PCDHGA4: variants seen among roughly 807,000 people sequenced by gnomAD.
The protein encoded by PCDHGA4 is protocadherin gamma-A4.
PCDHGA4 carries 38 observed loss-of-function variants against 54.6 expected under a neutral mutation model. The observed-to-expected ratio is 0.70, with a 90% confidence interval of 0.54 to 0.91. The LOEUF (loss-of-function observed/expected upper bound fraction) is 0.91. PCDHGA4 is among the 40% of genes least tolerant of loss of function. The probability of loss-of-function intolerance (pLI) is 0.00; values close to 1 mark genes in which losing one functional copy is unlikely to be tolerated. For synonymous variants in PCDHGA4, 511 were observed against 512.9 expected, an observed-to-expected ratio of 1.00 and a Z score of 0.05; for missense variants, 1,298 against 1,220.9, an observed-to-expected ratio of 1.06 and a Z score of -0.94.
chr5:141,355,404 C>T lies in PCDHGA4; in HGVS notation c.297C>T (p.Ser99=), dbSNP rs751163192. The change falls in exon 1 of 4, where the codon TCC becomes TCT. Residue 99 remains serine (S), a synonymous_variant. Transcript: ENST00000571252. ...CGGAGCGCGGAGTCCGCATCGTCTC[C>T]AGAGGTAGGACGCAGCTTTTCGCCC... ...ELAERGVRIV[S]RGRTQLFALN... is the part of the protein sequence containing the mutation. The T allele has an allele frequency of 2.2e-5, 36 of 1,613,970 alleles. No individual in the cohort carries two copies. Among genetic ancestry groups the T allele is most frequent in the Middle Eastern group, 1.6e-4 (1 of 6,084 alleles).
At chr5:141,408,303 G>A in intron 1 of PCDHGA4, 3 of 1,613,794 alleles carry the variant, frequency 1.9e-6, no homozygotes, top group Non-Finnish European at 2.5e-6. Flanking sequence ...GAGCCGATCC[G>A]CTACTCGATT....
At chr5:141,510,272 T>TAA (rs546154379) in intron 3 of PCDHGA4, among the ~76,000 whole-genome samples, 3,403 of 130,344 alleles carry the variant, frequency 0.026, 48 homozygotes, top group East Asian at 0.043. Context: ...GACTCCATCT[T>TAA]AAAAAAAAAA....
rs139839962 is a variant in PCDHGA4, at chr5:141,380,524, G to C, written c.2514+22903G>C. On this transcript the variant is annotated intron_variant, in intron 1 of 3. Coordinates refer to ENST00000571252, the MANE Select transcript of PCDHGA4 (RefSeq NM_018917.4). ...ATATACACTCTTTAAACTATGAAAT[G>C]ATTTCAATTTGATACAATGAGCTTA... Among the ~76,000 whole-genome samples the C allele has an allele frequency of 4.5e-3, 691 of 152,196 alleles. 6 individuals are homozygous for C. Among genetic ancestry groups the C allele is most frequent in the Middle Eastern group, 0.014 (4 of 294 alleles).
At chr5:141,383,558 C>A (rs374657057) in intron 1 of PCDHGA4, 1 of 1,612,822 alleles carries the variant, frequency 6.2e-7, no homozygotes, top group Admixed American at 1.7e-5. Flanking sequence ...GGCGGCGACC[C>A]GCCCCGATCC....
intron 1 of PCDHGA4, chr5:141,484,865 G>A (rs1431313212): frequency 3.6e-6 from 1 of 278,548 alleles, no homozygotes; most frequent in Non-Finnish European, 6.7e-6. Flanking sequence ...GGGTGGGGGA[G>A]CGTGGAGGAT....
chr5:141,467,233 A>G (rs1009794220), intron 1 of PCDHGA4, among the ~76,000 whole-genome samples: 1 of 151,564 alleles, frequency 6.6e-6, no homozygotes, highest in South Asian at 2.1e-4. Flanking sequence ...TTGTATTTTT[A>G]GTAGAGATGG....
chr5:141,419,699 C>A (rs1488905080), intron 1 of PCDHGA4: 1 of 1,612,924 alleles, frequency 6.2e-7, no homozygotes. Context: ...GGCCAGTGAG[C>A]CCGGGCTCTT....
chr5:141,431,068 A>G lies in PCDHGA4; in HGVS notation c.2515-63739A>G. 2 of 1,614,218 alleles carry G rather than the reference A, an allele frequency of 1.2e-6. No individual in the cohort carries two copies. Among genetic ancestry groups the G allele is most frequent in the South Asian group, 1.1e-5 (1 of 91,088 alleles). On this transcript the variant is annotated intron_variant, in intron 1 of 3. Coordinates refer to ENST00000571252, the MANE Select transcript of PCDHGA4 (RefSeq NM_018917.4). The surrounding 1 kb of genome is among the most constrained non-coding windows in gnomAD (Gnocchi z 4.8). ...TCTGTATGGGGGCCATCAAGTGTCA[A>G]TTAAATCTAGACATTCTGATGGAGG...
chr5:141,430,805 C>T (rs1445689047), intron 1 of PCDHGA4: 2 of 1,525,722 alleles, frequency 1.3e-6, no homozygotes, highest in Admixed American at 2.3e-5. Flanking sequence ...GCTTGTCCTG[C>T]TGGGAATCCT....
intron 1 of PCDHGA4, chr5:141,375,677 G>A (rs1171088976): frequency 1.2e-6 from 2 of 1,614,236 alleles, no homozygotes; most frequent in South Asian, 1.1e-5. Context: ...ACAGCTGTGG[G>A]TGACAGCCAG....
chr5:141,377,296 T>A (rs555068589), intron 1 of PCDHGA4: 1 of 152,208 alleles, frequency 6.6e-6, no homozygotes, highest in Non-Finnish European at 1.5e-5. Flanking sequence ...TTAATTTAGG[T>A]CAGTGTTAAA....
Position 141,486,824 on chromosome 5 carries a change from G to A in PCDHGA4, c.2515-7983G>A, listed in dbSNP as rs749609525. On this transcript the variant is annotated intron_variant, in intron 1 of 3. Coordinates refer to ENST00000571252, the MANE Select transcript of PCDHGA4 (RefSeq NM_018917.4). The surrounding 1 kb of genome is among the most constrained non-coding windows in gnomAD (Gnocchi z 5.0). ...CCCACCCCTTAGCAGCACTGTAACA[G>A]TTCGTCTATTTGTGCTGGACCTCAA... is the stretch of plus-strand genomic sequence containing the variant. 1 of 1,614,218 alleles carries A rather than the reference G, an allele frequency of 6.2e-7. No homozygotes were observed. Among genetic ancestry groups the A allele is most frequent in the Non-Finnish European group, 8.5e-7 (1 of 1,180,028 alleles).
intron 1 of PCDHGA4, chr5:141,411,430 A>C (rs918915726): frequency 6.6e-6 from 1 of 151,188 alleles, no homozygotes; most frequent in Admixed American, 6.6e-5. Context: ...CAACAAAAAA[A>C]AACATTAGCA....
chr5:141,413,002 G>A, intron 1 of PCDHGA4: 2 of 597,506 alleles, frequency 3.3e-6, no homozygotes, highest in East Asian at 3.0e-5. Context: ...GGATTCTCAG[G>A]GCTTCAACTA....
chr5:141,402,746 T>C (rs956909207), intron 1 of PCDHGA4, among the ~76,000 whole-genome samples: 2 of 152,224 alleles, frequency 1.3e-5, no homozygotes, highest in African/African-American at 4.8e-5. Context: ...TGATCAACTC[T>C]AAGCGAAAAT....
intron 1 of PCDHGA4, chr5:141,478,778 C>A: frequency 6.7e-7 from 1 of 1,488,178 alleles, no homozygotes; most frequent in Non-Finnish European, 8.9e-7. Flanking sequence ...ATCTGTGGAC[C>A]TAATTCACAT....
intron 1 of PCDHGA4, chr5:141,375,475 C>G (rs774489564): frequency 1.9e-6 from 3 of 1,613,884 alleles, no homozygotes; most frequent in Non-Finnish European, 2.5e-6. Context: ...TCCTTGAAAA[C>G]AACCCCAGGG....
At chr5:141,375,524 G>C (rs746416710) in intron 1 of PCDHGA4, 2 of 1,613,868 alleles carry the variant, frequency 1.2e-6, no homozygotes, top group African/African-American at 2.7e-5. Flanking sequence ...GGACCCTGAC[G>C]TGGACCAGAA....
At chr5:141,451,926 T>G (rs994841982) in intron 1 of PCDHGA4, among the ~76,000 whole-genome samples, 5 of 151,122 alleles carry the variant, frequency 3.3e-5, no homozygotes, top group Non-Finnish European at 7.4e-5. Context: ...GGAAGGGAGG[T>G]AGGGAGGCAG....
Sources: allele counts gnomAD v4.1 joint callset (sites outside exome capture counted in the v4.1 genomes callset), GRCh38; gene constraint gnomAD v4.1.1; non-coding constraint Gnocchi (gnomAD v3.1); transcripts MANE v1.5; gene names NCBI Gene and HGNC (gene_info 2026-07-23, HGNC 2026-07-21).